The following CAMK2B variants were observed in gnomAD, a reference collection of about 807,000 sequenced individuals.
CAMK2B encodes the protein calcium/calmodulin-dependent protein kinase type II subunit beta.
CAMK2B carries 27 observed loss-of-function variants against 93.7 expected under a neutral mutation model. That is an observed-to-expected ratio of 0.29 (90% confidence interval 0.21 to 0.40). The LOEUF (loss-of-function observed/expected upper bound fraction) is 0.40. Ranked by LOEUF, CAMK2B falls within the 10% of genes least tolerant of loss-of-function variation. The pLI is 1.00. For synonymous variants in CAMK2B, 374 were observed against 358.8 expected (o/e 1.04, Z -0.48); for missense variants, 568 against 895.8 (o/e 0.63, Z 4.67).
In CAMK2B at chr7:44,224,757, C is replaced by T. The variant is rs1487200217; in HGVS notation, c.1597+1759G>A. On this transcript the variant is annotated intron_variant, in intron 20 of 23. Coordinates refer to ENST00000395749, the MANE Select transcript of CAMK2B (RefSeq NM_001220.5). The surrounding 1 kb of genome is among the most constrained non-coding windows in gnomAD (Gnocchi z 4.4). ...TTGTGTATAATCCGCGATTAGAGAG[C>T]GTGGGTGGGGAGGAGACGGGGCCTG... is the stretch of plus-strand genomic sequence containing the variant. 2.0e-5 allele frequency among the ~76,000 whole-genome samples: 3 copies of T among 151,914 alleles called. No individual in the cohort carries two copies. The highest frequency in any genetic ancestry group is 7.2e-5 in the African/African-American group (3 of 41,394).
chr7:44,295,645 C>T (rs756992781), intron 1 of CAMK2B, among the ~76,000 whole-genome samples: 27 of 152,320 alleles, frequency 1.8e-4, no homozygotes, highest in Middle Eastern at 6.8e-3. Flanking sequence ...ATTCTCACAG[C>T]GAAGACTGGA....
chr7:44,285,814 G>C (rs1171064104), intron 1 of CAMK2B, among the ~76,000 whole-genome samples: 2 of 130,510 alleles, frequency 1.5e-5, no homozygotes, highest in Admixed American at 7.5e-5. Flanking sequence ...GATGCGGCGG[G>C]GGGGAGGCGC....
intron 4 of CAMK2B, among the ~76,000 whole-genome samples, chr7:44,256,199 A>C (rs1279202914): frequency 6.6e-6 from 1 of 152,224 alleles, no homozygotes; most frequent in Non-Finnish European, 1.5e-5. Flanking sequence ...AGGAAACAAA[A>C]CAGTGTTGAC....
At chr7:44,309,974 C>G (rs996854501) in intron 1 of CAMK2B, among the ~76,000 whole-genome samples, 4 of 152,348 alleles carry the variant, frequency 2.6e-5, no homozygotes, top group Admixed American at 1.3e-4. Context: ...GCGAAGGACA[C>G]GCGGGAAGAG....
chr7:44,234,744 C>T lies in CAMK2B; in HGVS notation c.1022-68G>A, dbSNP rs2096610237. 3.3e-6 allele frequency: 5 copies of T among 1,525,148 alleles called. No individual in the cohort carries two copies. In the South Asian group the frequency reaches 5.7e-5, roughly 17 times the overall value. 94.5% of individuals were successfully genotyped at this position (1,525,148 alleles called of 1,614,324 possible). ...GGGTCTCGCTGCAGCGCAACCCCACCCCTTTGCCTGACCCCACTCTTTCCC... is the reference window on the plus strand; with the variant it reads ...GGGTCTCGCTGCAGCGCAACCCCACTCCTTTGCCTGACCCCACTCTTTCCC... On this transcript the variant is annotated intron_variant, in intron 13 of 23. Coordinates refer to ENST00000395749, the MANE Select transcript of CAMK2B (RefSeq NM_001220.5).
rs150221609 is a variant in CAMK2B at position 44,242,335 on chromosome 7, C to T, written c.702G>A (p.Pro234=). Residue 234 remains proline, a synonymous_variant, in exon 10 of 24, where the codon CCG becomes CCA. Transcript: ENST00000395749. ...QQIKAGAYDF[P]SPEWDTVTPE... ...GAGTGACGGTGTCCCACTCAGGGGA[C>T]GGGAACTGCAGAAGGAAACAGCGCC... is the stretch of plus-strand genomic sequence containing the variant. 559 of 1,613,098 alleles carry T rather than the reference C, an allele frequency of 3.5e-4. No homozygotes were observed. Among genetic ancestry groups the T allele is most frequent in the Non-Finnish European group, 3.9e-4 (463 of 1,179,468 alleles).
At position 44,262,267 on chromosome 7, in the gene CAMK2B, C is replaced by G. The variant is rs749569464; in HGVS notation, c.220+738G>C. 3.6e-4 allele frequency among the ~76,000 whole-genome samples: 55 copies of G among 152,308 alleles called. No homozygotes were observed. The Middle Eastern group carries it at 0.017, about 47-fold the overall frequency. On this transcript the variant is annotated intron_variant, in intron 3 of 23. Transcript: ENST00000395749. ...ATCAGAGCTTTGGAGGAAAGGGCCC[C>G]AAATCCACCTGACAGCTCCCCAGGT...
At chr7:44,228,595 G>A (rs2096544257) in intron 19 of CAMK2B, among the ~76,000 whole-genome samples, 1 of 152,130 alleles carries the variant, frequency 6.6e-6, no homozygotes. Context: ...GGAGGGGTCT[G>A]GGCCCCTTAG....
intron 3 of CAMK2B, among the ~76,000 whole-genome samples, chr7:44,262,660 G>T (rs928809294): frequency 2.0e-5 from 3 of 152,204 alleles, no homozygotes; most frequent in African/African-American, 4.8e-5. Flanking sequence ...GCTCTGTGAG[G>T]AATGTGTCCT....
At chr7:44,221,084 A>C in intron 20 of CAMK2B, 183 bp from the exon 21 acceptor site, 1 of 587,232 alleles carries the variant, frequency 1.7e-6, no homozygotes, top group Non-Finnish European at 3.0e-6. Context: ...CTCATTTTCA[A>C]GTGCAACAGC....
chr7:44,247,036 A>G (rs2096738124), intron 6 of CAMK2B, 84 bp downstream of exon 6: 2 of 1,120,088 alleles, frequency 1.8e-6, no homozygotes, highest in East Asian at 2.5e-5. Context: ...AGTGCCACAC[A>G]CTGTCCAGCC....
chr7:44,241,213 C>T (rs897860277), intron 11 of CAMK2B, among the ~76,000 whole-genome samples: 9 of 152,292 alleles, frequency 5.9e-5, no homozygotes, highest in Non-Finnish European at 1.3e-4. Context: ...TGCCAGTGTG[C>T]GGTCACCGGA....
At chr7:44,314,947 A>C (rs960992433) in intron 1 of CAMK2B, among the ~76,000 whole-genome samples, 1 of 152,206 alleles carries the variant, frequency 6.6e-6, no homozygotes, top group African/African-American at 2.4e-5. Flanking sequence ...GTTAGGTAGT[A>C]AAAGTTCTTA....
At chr7:44,321,219 C>G (rs1420979231) in intron 1 of CAMK2B, among the ~76,000 whole-genome samples, 1 of 152,240 alleles carries the variant, frequency 6.6e-6, no homozygotes, top group African/African-American at 2.4e-5. Context: ...CTAAGTTTAT[C>G]TATTAACTAC....
At chr7:44,246,312 G>T (rs73691441) in intron 6 of CAMK2B, among the ~76,000 whole-genome samples, 2,096 of 152,200 alleles carry the variant, frequency 0.014, 54 homozygotes, top group African/African-American at 0.049. Context: ...GGAGTGCGGT[G>T]TAATAGGCTG....
In CAMK2B at chr7:44,224,078, G is replaced by T. The variant is rs1234771867; in HGVS notation, c.1597+2438C>A. On this transcript the variant is annotated intron_variant, in intron 20 of 23. Coordinates refer to ENST00000395749, the MANE Select transcript of CAMK2B (RefSeq NM_001220.5). This position sits in a 1 kb window ranked among gnomAD's most constrained non-coding sequence, Gnocchi z 4.4. ...TAAACAAATTGTAATTAAAATGGGA[G>T]TTGATGGGAAGAGAAAGCGTGAAGT... Among the ~76,000 whole-genome samples the T allele has an allele frequency of 6.6e-6, 1 of 152,250 alleles. No individual in the cohort carries two copies. The highest frequency in any genetic ancestry group is 6.5e-5 in the Admixed American group (1 of 15,290).
intron 2 of CAMK2B, among the ~76,000 whole-genome samples, chr7:44,278,839 A>G (rs556755054): frequency 6.6e-6 from 1 of 152,352 alleles, no homozygotes; most frequent in East Asian, 1.9e-4. Context: ...CTCCAAGGGG[A>G]TGAGGTTCCC....
intron 1 of CAMK2B, among the ~76,000 whole-genome samples, chr7:44,290,313 G>T (rs1012490972): frequency 6.6e-6 from 1 of 152,194 alleles, no homozygotes; most frequent in African/African-American, 2.4e-5. Flanking sequence ...CGCTCCCCAC[G>T]CGGGCCAGGC....
intron 20 of CAMK2B, among the ~76,000 whole-genome samples, chr7:44,223,756 C>T (rs1292321342): frequency 6.6e-6 from 1 of 152,128 alleles, no homozygotes; most frequent in Admixed American, 6.5e-5. Flanking sequence ...CCAGCAGCCC[C>T]CAAGCCAGCC....
Sources: gnomAD v4.1 joint callset for allele counts (sites outside exome capture counted in the v4.1 genomes callset) on GRCh38, gnomAD v4.1.1 for gene constraint, Gnocchi (gnomAD v3.1) non-coding constraint, MANE v1.5 for transcripts, NCBI Gene and HGNC (gene_info 2026-07-23, HGNC 2026-07-21) for gene names.